CAMTA1: variants seen among roughly 807,000 people sequenced by gnomAD.
CAMTA1 encodes the protein calmodulin binding transcription activator 1.
A neutral mutation model predicts 170.9 loss-of-function variants in CAMTA1; 27 were observed. The observed-to-expected ratio is 0.16, with a 90% CI of 0.12 to 0.22. The LOEUF (loss-of-function observed/expected upper bound fraction) is 0.22. Among genes scored for constraint, CAMTA1 ranks in the 10% least tolerant of loss-of-function variants. CAMTA1 has a pLI of 1.00. For synonymous variants in CAMTA1, 833 were observed against 891.5 expected, an observed-to-expected ratio of 0.93 and a Z score of 1.17; for missense variants, 1,619 against 2,217.2, an observed-to-expected ratio of 0.73 and a Z score of 5.42.
At chr1:7,026,497 A>G (rs1702039483) in intron 3 of CAMTA1, among the ~76,000 whole-genome samples, 1 of 152,182 alleles carries the variant, frequency 6.6e-6, no homozygotes, top group South Asian at 2.1e-4. Context: ...TTCTGATATA[A>G]ACTAAGACTA....
At chr1:7,517,302 AGAGATGG>A (rs1431851371) in intron 6 of CAMTA1, among the ~76,000 whole-genome samples, 1 of 152,178 alleles carries the variant, frequency 6.6e-6, no homozygotes, top group Non-Finnish European at 1.5e-5. Context: ...ATAAATCCCT[AGAGATGG>A]GATTGCTGGG....
intron 5 of CAMTA1, chr1:7,368,874 C>T (rs918748047): frequency 6.6e-6 from 1 of 152,336 alleles, no homozygotes; most frequent in African/African-American, 2.4e-5. Context: ...TGTCCTGCCA[C>T]GAAGCCCTTG....
rs934271273 is a variant in CAMTA1 at position 6,965,260 on chromosome 1, C to G, written c.235-126044C>G. ...ATGTGTGCATGTGTGTGGGCACGTG[C>G]TCCTGGGGGCATGCACATGTTTAAG... On this transcript the variant is annotated intron_variant, in intron 3 of 22. Coordinates refer to ENST00000303635, the MANE Select transcript of CAMTA1 (RefSeq NM_015215.4). The surrounding 1 kb of genome is among the most constrained non-coding windows in gnomAD (Gnocchi z 4.1). Among the ~76,000 whole-genome samples the G allele has an allele frequency of 2.6e-5, 4 of 151,918 alleles. No homozygotes were observed. Among genetic ancestry groups the G allele is most frequent in the Admixed American group, 2.6e-4 (4 of 15,250 alleles).
At chr1:7,281,530 C>T (rs1227422989) in intron 5 of CAMTA1, among the ~76,000 whole-genome samples, 4 of 152,034 alleles carry the variant, frequency 2.6e-5, no homozygotes, top group East Asian at 1.9e-4. Context: ...AACTTGAAAA[C>T]GAGCATGTTC....
chr1:7,422,980 T>G (rs1014539543), intron 5 of CAMTA1, among the ~76,000 whole-genome samples: 18 of 152,044 alleles, frequency 1.2e-4, no homozygotes, highest in African/African-American at 4.1e-4. Flanking sequence ...GAGCATAGAT[T>G]AATGGCAGTG....
intron 1 of CAMTA1, among the ~76,000 whole-genome samples, chr1:6,801,982 G>C (rs577754234): frequency 6.6e-6 from 1 of 152,186 alleles, no homozygotes; most frequent in South Asian, 2.1e-4. Context: ...AGATGGTTTG[G>C]GGTTGATGTC....
At chr1:7,125,600 G>T (rs2148492400) in intron 4 of CAMTA1, among the ~76,000 whole-genome samples, 1 of 152,338 alleles carries the variant, frequency 6.6e-6, no homozygotes, top group Non-Finnish European at 1.5e-5. Flanking sequence ...TCACCAGCCA[G>T]TGGGAAGGTG....
At chr1:7,410,969 A>G (rs11808824) in intron 5 of CAMTA1, among the ~76,000 whole-genome samples, 2 of 147,740 alleles carry the variant, frequency 1.4e-5, no homozygotes, top group Admixed American at 1.3e-4. Flanking sequence ...CTGTGTGTGT[A>G]TGTGTGTGTA....
intron 20 of CAMTA1, among the ~76,000 whole-genome samples, chr1:7,752,047 A>G (rs1007042849): frequency 2.6e-5 from 4 of 152,232 alleles, no homozygotes; most frequent in East Asian, 1.9e-4. Context: ...CAAGTAAAAT[A>G]TATTGATCAG....
chr1:7,737,176 CAGTT>C, intron 14 of CAMTA1, 75 bp from the exon 15 acceptor site: 16 of 1,462,358 alleles, frequency 1.1e-5, no homozygotes, highest in Non-Finnish European at 1.5e-5. Flanking sequence ...ACCAGTTTGT[CAGTT>C]GGCAGCAATG....
intron 3 of CAMTA1, among the ~76,000 whole-genome samples, chr1:6,863,327 C>T (rs1250018230): frequency 6.6e-6 from 1 of 152,168 alleles, no homozygotes; most frequent in Non-Finnish European, 1.5e-5. Flanking sequence ...TCCCCATTCC[C>T]TCCCCAACCC....
intron 6 of CAMTA1, among the ~76,000 whole-genome samples, chr1:7,493,643 TGGGG>T (rs34756858): frequency 2.9e-3 from 435 of 147,748 alleles, no homozygotes; most frequent in African/African-American, 9.2e-3. Context: ...CCCAGGGAAC[TGGGG>T]GGGGGGGGGG....
At chr1:7,323,493 T>C (rs1371765734) in intron 5 of CAMTA1, among the ~76,000 whole-genome samples, 4 of 149,338 alleles carry the variant, frequency 2.7e-5, no homozygotes, top group Middle Eastern at 6.9e-3. Context: ...GATGATTCTA[T>C]TTCCTTTATT....
chr1:7,644,518 G>A (rs2095789954), intron 7 of CAMTA1, among the ~76,000 whole-genome samples: 1 of 152,134 alleles, frequency 6.6e-6, no homozygotes, highest in Non-Finnish European at 1.5e-5. Flanking sequence ...GCAGCCCCAG[G>A]GTCAGGGATC....
chr1:7,651,145 G>T (rs2095846417), intron 7 of CAMTA1, among the ~76,000 whole-genome samples: 1 of 152,154 alleles, frequency 6.6e-6, no homozygotes, highest in East Asian at 1.9e-4. Context: ...AGCACCCTTT[G>T]TTGGCTCCCA....
At chr1:6,824,307 T>C (rs552726606) in intron 2 of CAMTA1, among the ~76,000 whole-genome samples, 2 of 152,216 alleles carry the variant, frequency 1.3e-5, no homozygotes, top group South Asian at 2.1e-4. Context: ...ATAAATGATA[T>C]GTAAGCAAAC....
At chr1:7,316,935 A>T (rs1043331405) in intron 5 of CAMTA1, among the ~76,000 whole-genome samples, 1 of 152,150 alleles carries the variant, frequency 6.6e-6, no homozygotes, top group Non-Finnish European at 1.5e-5. Context: ...GTAAGAGAGC[A>T]CCTATTTGTT....
In CAMTA1 at chr1:7,144,322, C is replaced by T. The variant is rs754804388; in HGVS notation, c.302+52951C>T. ...GTGTGAGAGACAGCAAGAGACAGAGCGAAAGAGAGAGTCTCTTTTCGTTCT... is the reference window on the plus strand; with the variant it reads ...GTGTGAGAGACAGCAAGAGACAGAGTGAAAGAGAGAGTCTCTTTTCGTTCT... On this transcript the variant is annotated intron_variant, in intron 4 of 22. Transcript: ENST00000303635. This position sits in a 1 kb window ranked among gnomAD's most constrained non-coding sequence, Gnocchi z 4.0. Among the ~76,000 whole-genome samples the T allele has an allele frequency of 2.0e-4, 30 of 151,836 alleles. No homozygotes were observed. Among genetic ancestry groups the T allele is most frequent in the Non-Finnish European group, 4.1e-4 (28 of 67,978 alleles).
At chr1:6,922,003 A>T (rs76147892) in intron 3 of CAMTA1, among the ~76,000 whole-genome samples, 16,998 of 152,248 alleles carry the variant, frequency 0.11, 1,359 homozygotes, top group Admixed American at 0.27. Context: ...CAGCTACTGT[A>T]TCATCATTTC....
Sources: allele counts gnomAD v4.1 joint callset (sites outside exome capture counted in the v4.1 genomes callset), GRCh38; gene constraint gnomAD v4.1.1; non-coding constraint Gnocchi (gnomAD v3.1); transcripts MANE v1.5; gene names NCBI Gene and HGNC (gene_info 2026-07-23, HGNC 2026-07-21).